AKNAD1: variants seen among roughly 807,000 people sequenced by gnomAD.
The protein encoded by AKNAD1 is protein AKNAD1.
AKNAD1 carries 67 observed loss-of-function variants against 90.8 expected under a neutral mutation model. The ratio of observed to expected loss-of-function variants is 0.74; its 90% CI spans 0.61 to 0.90. The LOEUF is 0.90. Ranked by LOEUF, AKNAD1 falls within the 40% of genes least tolerant of loss-of-function variation. The probability of loss-of-function intolerance (pLI) is 0.00; values close to 1 mark genes in which losing one functional copy is unlikely to be tolerated. For missense variants in AKNAD1, 957 were observed against 975.4 expected, an observed-to-expected ratio of 0.98 and a Z score of 0.25; for synonymous variants, 327 against 341.4, an observed-to-expected ratio of 0.96 and a Z score of 0.46.
intron 5 of AKNAD1, 29 bp downstream of exon 5, chr1:108,848,723 G>A (rs1366777705): frequency 1.3e-6 from 2 of 1,582,970 alleles, no homozygotes; most frequent in Non-Finnish European, 1.7e-6. Context: ...CTCTAATCAA[G>A]ATTTTAAAAA....
Position 108,852,114 on chromosome 1 carries a change from G to C in AKNAD1, c.551C>G (p.Pro184Arg). 5 of 1,614,164 alleles carry C rather than the reference G, an allele frequency of 3.1e-6. No homozygotes were observed. The highest frequency in any genetic ancestry group is 4.2e-6 in the Non-Finnish European group (5 of 1,180,026). Reference protein sequence around the residue: ...PKRDGENSNKPGSATTTEENT... With the variant: ...PKRDGENSNKRGSATTTEENT... Reference sequence around the variant, plus strand: ...TTCCTCTGTCGTGGTGGCAGAACCAGGCTTATTGCTGTTTTCACCATCCCT... The same window carrying C: ...TTCCTCTGTCGTGGTGGCAGAACCACGCTTATTGCTGTTTTCACCATCCCT... The change falls in exon 2 of 16, where the codon CCT becomes CGT. Residue 184 changes from proline to arginine, a missense_variant. Coordinates refer to ENST00000370001, the MANE Select transcript of AKNAD1 (RefSeq NM_152763.5).
chr1:108,832,536 G>A (rs75375572), intron 9 of AKNAD1, among the ~76,000 whole-genome samples: 778 of 152,236 alleles, frequency 5.1e-3, no homozygotes, highest in South Asian at 0.019. Flanking sequence ...GTATGCTTGT[G>A]TTCTTAACCA....
Position 108,823,640 on chromosome 1 carries a change from T to G in AKNAD1, c.1985A>C (p.Gln662Pro), listed in dbSNP as rs774039698. ...GCCACAGTCCTGACATTTGTTACTC[T>G]GCATTTCAGTGCCAGAATCAGAACA... Reference protein sequence around the residue: ...SFCSDSGTEMQSNKCQDCGTK... With the variant: ...SFCSDSGTEMPSNKCQDCGTK... Residue 662 changes from glutamine to proline, a missense_variant, in exon 12 of 16, where the codon CAG (glutamine) becomes CCG (proline). Coordinates refer to ENST00000370001, the MANE Select transcript of AKNAD1 (RefSeq NM_152763.5). 4.3e-6 allele frequency: 7 copies of G among 1,614,114 alleles called. No homozygotes were observed. The highest frequency in any genetic ancestry group is 1.7e-6 in the Non-Finnish European group (2 of 1,180,042).
At chr1:108,818,612 G>T (rs1663706572) in intron 14 of AKNAD1, among the ~76,000 whole-genome samples, 1 of 152,052 alleles carries the variant, frequency 6.6e-6, no homozygotes, top group East Asian at 1.9e-4. Flanking sequence ...TTACATGCGG[G>T]GAAATGGAGG....
intron 9 of AKNAD1, among the ~76,000 whole-genome samples, chr1:108,831,287 T>C (rs891334085): frequency 1.3e-5 from 2 of 152,252 alleles, no homozygotes; most frequent in Non-Finnish European, 2.9e-5. Context: ...AAAATAAATG[T>C]ACTTTTCCCA....
At chr1:108,825,573 T>A (rs1377058434) in intron 11 of AKNAD1, among the ~76,000 whole-genome samples, 1 of 151,690 alleles carries the variant, frequency 6.6e-6, no homozygotes, top group African/African-American at 2.4e-5. Flanking sequence ...CATAAAATGA[T>A]AATATATACC....
intron 13 of AKNAD1, among the ~76,000 whole-genome samples, chr1:108,822,637 C>G (rs564777538): frequency 6.6e-6 from 1 of 152,162 alleles, no homozygotes; most frequent in Admixed American, 6.6e-5. Flanking sequence ...CTGGTGCCCT[C>G]TCCCAGAGAA....
In AKNAD1 at chr1:108,830,589, C is replaced by T; in HGVS notation, c.1808G>A (p.Ser603Asn). The T allele has an allele frequency of 6.2e-7, 1 of 1,614,146 alleles. No homozygotes were observed. Among genetic ancestry groups the T allele is most frequent in the Non-Finnish European group, 8.5e-7 (1 of 1,180,036 alleles). The change falls in exon 10 of 16, where the codon AGC becomes AAC. Residue 603 changes from serine (S) to asparagine (N), a missense_variant. Coordinates refer to ENST00000370001, the MANE Select transcript of AKNAD1 (RefSeq NM_152763.5). Reference protein sequence around the residue: ...DCAEMTAPSPSCAFCRRLLEW... With the variant: ...DCAEMTAPSPNCAFCRRLLEW... The stretch of plus-strand genomic sequence containing the variant: ...AAGGAGCCTGCGACAGAAGGCACAG[C>T]TCGGACTGGGTGCCGTCATCTCTGC...
chr1:108,847,523 A>G (rs1396475069), intron 5 of AKNAD1, among the ~76,000 whole-genome samples: 1 of 150,228 alleles, frequency 6.7e-6, no homozygotes, highest in Non-Finnish European at 1.5e-5. Context: ...AAAGGCCTTC[A>G]TGAAGTACCC....
chr1:108,841,823 T>G (rs180935468), intron 6 of AKNAD1, among the ~76,000 whole-genome samples: 2 of 152,260 alleles, frequency 1.3e-5, no homozygotes, highest in Admixed American at 1.3e-4. Flanking sequence ...TCAGCCGAGA[T>G]TTGGGAAAGT....
At chr1:108,832,122 C>T (rs992288122) in intron 9 of AKNAD1, among the ~76,000 whole-genome samples, 4 of 150,528 alleles carry the variant, frequency 2.7e-5, no homozygotes, top group Non-Finnish European at 5.9e-5. Context: ...TGAGGCCTGG[C>T]GGATTTAAGC....
chr1:108,834,829 CT>C, intron 8 of AKNAD1, 99 bp downstream of exon 8: 1 of 1,481,366 alleles, frequency 6.8e-7, no homozygotes, highest in Non-Finnish European at 9.0e-7. Context: ...TCCAAGACTG[CT>C]TTTCCTGTGG....
Position 108,820,539 on chromosome 1 carries a change from AC to A in AKNAD1, c.2249+5del. 1 of 1,568,022 alleles carries A rather than the reference AC, an allele frequency of 6.4e-7. No individual in the cohort carries two copies. The highest frequency in any genetic ancestry group is 1.7e-4 in the Middle Eastern group (1 of 5,924). ...ATTTTGTTACTGATAATGAAATAAT[AC>A]TTACTTTCCTGGTGTGGGCTCATGT... On this transcript the variant is annotated splice_donor_5th_base_variant and intron_variant, in intron 14 of 15. Coordinates refer to ENST00000370001, the MANE Select transcript of AKNAD1 (RefSeq NM_152763.5).
chr1:108,822,951 CATG>C (rs1453931245), intron 13 of AKNAD1: 1 of 430,818 alleles, frequency 2.3e-6, no homozygotes, highest in African/African-American at 2.0e-5. Context: ...AAGTTAGCAA[CATG>C]ATGTCTATGG....
In AKNAD1 at chr1:108,823,595, C is replaced by A. The variant is rs770288962; in HGVS notation, c.2030G>T (p.Arg677Leu). Residue 677 changes from arginine (R) to leucine (L), a missense_variant, in exon 12 of 16, where the codon CGA becomes CTA. Coordinates refer to ENST00000370001, the MANE Select transcript of AKNAD1 (RefSeq NM_152763.5). ...AGTTGGTTCTTTCCTGCAGGCTCTT[C>A]GGGAGGTAGGAATCTTAGTGCCACA... Reference protein sequence around the residue: ...QDCGTKIPTSRRACRKEPTKE... With the variant: ...QDCGTKIPTSLRACRKEPTKE... The A allele has an allele frequency of 1.2e-6, 2 of 1,614,036 alleles. No homozygotes were observed. Among genetic ancestry groups the A allele is most frequent in the Admixed American group, 1.7e-5 (1 of 60,008 alleles).
At chr1:108,851,293 G>A (rs962166530) in intron 2 of AKNAD1, among the ~76,000 whole-genome samples, 7 of 152,162 alleles carry the variant, frequency 4.6e-5, no homozygotes, top group African/African-American at 1.4e-4. Context: ...AAACAAGCAG[G>A]TCTTTGGCAA....
intron 6 of AKNAD1, among the ~76,000 whole-genome samples, chr1:108,839,487 A>AAAAAAAAAAAAAAAAAAG (rs1664475222): frequency 6.6e-6 from 1 of 151,590 alleles, no homozygotes; most frequent in Non-Finnish European, 1.5e-5. Flanking sequence ...AAAAAAGAAA[A>AAAAAAAAAAAAAAAAAAG]GGGAAAATTG....
rs763016552 is a variant in AKNAD1, at chr1:108,820,548, C to G, written c.2246G>C (p.Gly749Ala). 3.1e-6 allele frequency: 5 copies of G among 1,587,580 alleles called. No homozygotes were observed. The highest frequency in any genetic ancestry group is 2.6e-6 in the Non-Finnish European group (3 of 1,156,588). The change falls in exon 14 of 16, where the codon GGA becomes GCA. Residue 749 changes from glycine to alanine, a missense_variant. By Grantham distance (60) the Gly-to-Ala change is moderately conservative (BLOSUM62 0). Transcript: ENST00000370001. ...SFKGEHEPTP[G>A]KKKLQAFMTY... ...CTGATAATGAAATAATACTTACTTT[C>G]CTGGTGTGGGCTCATGTTCACCTTT...
chr1:108,820,902 C>T (rs1416063388), intron 13 of AKNAD1, among the ~76,000 whole-genome samples: 1 of 151,872 alleles, frequency 6.6e-6, no homozygotes, highest in Non-Finnish European at 1.5e-5. Flanking sequence ...AATTCATAAA[C>T]CCCTTCCATA....
Sources: gnomAD v4.1 joint callset for allele counts (sites outside exome capture counted in the v4.1 genomes callset) on GRCh38, gnomAD v4.1.1 for gene constraint, MANE v1.5 for transcripts, NCBI Gene and HGNC (gene_info 2026-07-23, HGNC 2026-07-21) for gene names.